Variants in SLC12A7 observed in about 807,000 individuals in gnomAD.
SLC12A7 encodes K-Cl cotransporter 4.
A neutral mutation model predicts 120.6 loss-of-function variants in SLC12A7; 100 were observed. That is an observed-to-expected ratio of 0.83 (90% CI 0.71 to 0.98). SLC12A7 has a LOEUF of 0.98. Among genes scored for constraint, SLC12A7 ranks in the 50% least tolerant of loss-of-function variants. The probability of loss-of-function intolerance (pLI) is 0.00; values close to 1 mark genes in which losing one functional copy is unlikely to be tolerated. For missense variants in SLC12A7, 1,373 were observed against 1,548.1 expected, an observed-to-expected ratio of 0.89 and a Z score of 1.90; for synonymous variants, 760 against 678.0, an observed-to-expected ratio of 1.12 and a Z score of -1.88.
At chr5:1,100,442 A>G (rs1388180593) in intron 1 of SLC12A7, among the ~76,000 whole-genome samples, 1 of 152,224 alleles carries the variant, frequency 6.6e-6, no homozygotes, top group African/African-American at 2.4e-5. Flanking sequence ...AGCAGCCCCC[A>G]GGTGCCCTGG....
At position 1,081,688 on chromosome 5, in the gene SLC12A7, G is replaced by C. The variant is rs748321788; in HGVS notation, c.1186C>G (p.Pro396Ala). The change falls in exon 9 of 24, where the codon CCC becomes GCC. Residue 396 changes from proline (P) to alanine (A), a missense_variant. Coordinates refer to ENST00000264930, the MANE Select transcript of SLC12A7 (RefSeq NM_006598.3). ...CTCTCCTCTGCCACGGGCACCGAGG[G>C]CACACCTTTCTTCTCCACAAACGCC... The part of the protein sequence containing the change: ...AGAFVEKKGV[P>A]SVPVAEESRA... 1 of 1,613,096 alleles carries C rather than the reference G, an allele frequency of 6.2e-7. No individual in the cohort carries two copies. The highest frequency in any genetic ancestry group is 8.5e-7 in the Non-Finnish European group (1 of 1,179,976).
Position 1,065,628 on chromosome 5 carries a change from T to TC in SLC12A7, c.2242-151dup, listed in dbSNP as rs146241543. The stretch of plus-strand genomic sequence containing the variant: ...AAGGCTCAACGGTGTGCTGCGGTGC[T>TC]CCCGGCCGCTGTGTGTGTATGTGTG... On this transcript the variant is annotated intron_variant, in intron 17 of 23. Coordinates refer to ENST00000264930, the MANE Select transcript of SLC12A7 (RefSeq NM_006598.3). The TC allele has an allele frequency of 2.1e-3, 1,321 of 615,166 alleles. 23 individuals are homozygous for TC. The East Asian group carries it at 0.033, about 16-fold the overall frequency. The allele number at this position is 615,166 out of a possible 1,614,324, so 38.1% of individuals were successfully genotyped here. A position where few individuals can be genotyped will look rare whatever the true frequency, so the allele number is the denominator to read the frequency against.
At chr5:1,112,330 C>T (rs1579452680), upstream of SLC12A7, among the ~76,000 whole-genome samples, 1 of 30,108 alleles carries the variant, frequency 3.3e-5, no homozygotes, top group Non-Finnish European at 6.3e-5. Context: ...CTGGAACTCC[C>T]CGCCCTCCCC....
the SLC12A7 span, among the ~76,000 whole-genome samples, chr5:1,135,042 G>A: frequency 2.3e-4 from 35 of 151,948 alleles, no homozygotes; most frequent in Non-Finnish European, 4.7e-4. Context: ...CAGGAGAATC[G>A]CTTGAACCCG....
rs759662082 is a variant in SLC12A7, at chr5:1,065,288, A to G, written c.2432T>C (p.Phe811Ser). ...QEDNPFSWKN[F>S]VDTVRDTTAA... Reference sequence around the variant, plus strand: ...GGGCCGCCAGCCATGCCTACCCACAAAGTTCTTCCAGGAGAAGGGGTTGTC... The same window carrying G: ...GGGCCGCCAGCCATGCCTACCCACAGAGTTCTTCCAGGAGAAGGGGTTGTC... The change falls in exon 18 of 24, where the codon TTT (phenylalanine) becomes TCT (serine). Residue 811 changes from phenylalanine to serine, a missense_variant. By Grantham distance (155) the Phe-to-Ser change is radical. Transcript: ENST00000264930. 6.4e-7 allele frequency: 1 copy of G among 1,561,192 alleles called. No homozygotes were observed. Among genetic ancestry groups the G allele is most frequent in the Admixed American group, 1.8e-5 (1 of 54,144 alleles).
At chr5:1,120,734 C>A in the SLC12A7 span, among the ~76,000 whole-genome samples, 1 of 152,184 alleles carries the variant, frequency 6.6e-6, no homozygotes, top group African/African-American at 2.4e-5. Context: ...GAGTGTCTAC[C>A]ACACACGCCA....
chr5:1,137,651 C>A, the SLC12A7 span, among the ~76,000 whole-genome samples: 1 of 152,274 alleles, frequency 6.6e-6, no homozygotes, highest in African/African-American at 2.4e-5. Context: ...GCAAACAGGG[C>A]CCGCCCCAGG....
chr5:1,112,871 T>TCGC (rs1743148653), upstream of SLC12A7, among the ~76,000 whole-genome samples: 1 of 112,002 alleles, frequency 8.9e-6, no homozygotes, highest in African/African-American at 4.1e-5. Flanking sequence ...GTAGAGGGAG[T>TCGC]CCCCCCCCCC....
chr5:1,107,118 C>CT (rs1416489739), intron 1 of SLC12A7, among the ~76,000 whole-genome samples: 2 of 152,246 alleles, frequency 1.3e-5, no homozygotes, highest in Non-Finnish European at 2.9e-5. Context: ...TGCCTCTTAT[C>CT]TGCCCTCCCT....
intron 14 of SLC12A7, chr5:1,075,862 C>T: frequency 1.9e-6 from 1 of 514,836 alleles, no homozygotes; most frequent in South Asian, 3.4e-5. Flanking sequence ...CTGGGCTGAC[C>T]ACGGGAGGTA....
intron 1 of SLC12A7, among the ~76,000 whole-genome samples, chr5:1,108,715 C>T (rs1206749613): frequency 1.3e-5 from 2 of 152,262 alleles, no homozygotes; most frequent in Non-Finnish European, 2.9e-5. Flanking sequence ...CTCGCCATTC[C>T]CAAGGGCAGT....
chr5:1,140,387 T>C, the SLC12A7 span, among the ~76,000 whole-genome samples: 89,196 of 152,096 alleles, frequency 0.59, 28,360 homozygotes, highest in African/African-American at 0.85. Context: ...CCCTCGGTTC[T>C]GTTCCCCCCC....
At chr5:1,108,625 T>C (rs1742747109) in intron 1 of SLC12A7, among the ~76,000 whole-genome samples, 1 of 152,040 alleles carries the variant, frequency 6.6e-6, no homozygotes, top group Admixed American at 6.6e-5. Context: ...CTGTGTGTGG[T>C]CCCCCTATCT....
rs1394840547 is a variant in SLC12A7, at chr5:1,076,759, T to C, written c.1683A>G (p.Thr561=). The change falls in exon 13 of 24, where the codon ACA becomes ACG. Residue 561 remains threonine (T), a synonymous_variant. Coordinates refer to ENST00000264930, the MANE Select transcript of SLC12A7 (RefSeq NM_006598.3). ...GGATGCCAGTCTCGCAGATGAGGAC[T>C]GTCAGCAGCAGCGCCCACGTGGGCT... ...NGEPTWALLL[T]VLICETGILI... is the part of the protein sequence containing the mutation. The C allele has an allele frequency of 6.2e-7, 1 of 1,611,486 alleles. No homozygotes were observed. The highest frequency in any genetic ancestry group is 2.2e-5 in the East Asian group (1 of 44,856).
intron 3 of SLC12A7, among the ~76,000 whole-genome samples, chr5:1,092,316 G>A (rs745899198): frequency 2.6e-5 from 4 of 152,256 alleles, no homozygotes; most frequent in South Asian, 4.1e-4. Context: ...GACGCAAAGC[G>A]CAGAGCCCAG....
chr5:1,141,613 A>G, the SLC12A7 span, among the ~76,000 whole-genome samples: 4 of 152,236 alleles, frequency 2.6e-5, no homozygotes, highest in African/African-American at 9.6e-5. Context: ...AGCAGCCACT[A>G]AGCTTGTGTG....
chr5:1,076,333 A>C, intron 13 of SLC12A7, 97 bp from the exon 14 acceptor site: 1 of 967,718 alleles, frequency 1.0e-6, no homozygotes, highest in South Asian at 1.6e-5. Context: ...TGTCCCTCCC[A>C]CCTGCGCCTT....
intron 1 of SLC12A7, among the ~76,000 whole-genome samples, chr5:1,110,881 C>A (rs535044710): frequency 6.6e-6 from 1 of 152,342 alleles, no homozygotes; most frequent in African/African-American, 2.4e-5. Context: ...GGGTCCCCAC[C>A]CGTGTCTCCG....
At chr5:1,142,992 C>T in the SLC12A7 span, among the ~76,000 whole-genome samples, 7 of 151,766 alleles carry the variant, frequency 4.6e-5, no homozygotes, top group East Asian at 8.0e-4. Context: ...TTCATGGTAA[C>T]GGGGGCTGAG....
Sources: allele counts gnomAD v4.1 joint callset (sites outside exome capture counted in the v4.1 genomes callset), GRCh38; gene constraint gnomAD v4.1.1; transcripts MANE v1.5; gene names NCBI Gene and HGNC (gene_info 2026-07-23, HGNC 2026-07-21).